Variants in GLIS1 observed in about 807,000 individuals in gnomAD.
The protein encoded by GLIS1 is zinc finger protein GLIS1.
In GLIS1, 24 loss-of-function variants were observed where a neutral mutation model predicts 63.8. The observed-to-expected ratio is 0.38, with a 90% CI of 0.27 to 0.53. GLIS1 has a LOEUF of 0.53. Ranked by LOEUF, GLIS1 falls within the 20% of genes least tolerant of loss-of-function variation. GLIS1 has a pLI of 0.85. For missense variants in GLIS1, 1,036 were observed against 1,074.1 expected (o/e 0.96, Z 0.50); for synonymous variants, 450 against 482.5 (o/e 0.93, Z 0.88).
intron 4 of GLIS1, among the ~76,000 whole-genome samples, chr1:53,585,881 A>G (rs1405541524): frequency 1.3e-5 from 2 of 152,238 alleles, no homozygotes; most frequent in Non-Finnish European, 1.5e-5. Context: ...CACCCCCTAC[A>G]GAAACTTCTG....
rs1353752162 is a variant in GLIS1 at position 53,539,857 on chromosome 1, G to T, written c.1321-9905C>A. ...GGTGGCTGGCCTGGCCTGGCCTTGG[G>T]GACAGCATGCATAGCCTGAGAGATC... is the stretch of plus-strand genomic sequence containing the variant. On this transcript the variant is annotated intron_variant, in intron 4 of 10. Transcript: ENST00000628545. This position sits in a 1 kb window ranked among gnomAD's most constrained non-coding sequence, Gnocchi z 5.0. Among the ~76,000 whole-genome samples the T allele has an allele frequency of 1.3e-5, 2 of 151,140 alleles. No homozygotes were observed. The highest frequency in any genetic ancestry group is 4.9e-5 in the African/African-American group (2 of 41,034).
chr1:53,633,526 C>T (rs1321907241), intron 2 of GLIS1, among the ~76,000 whole-genome samples: 1 of 151,616 alleles, frequency 6.6e-6, no homozygotes, highest in Non-Finnish European at 1.5e-5. Context: ...GACTGAAGTG[C>T]GTGTGAATGT....
At position 53,599,308 on chromosome 1, in the gene GLIS1, G is replaced by A. The variant is rs578239729; in HGVS notation, c.437+793C>T. 5.3e-5 allele frequency among the ~76,000 whole-genome samples: 8 copies of A among 152,336 alleles called. No individual in the cohort carries two copies. The East Asian group carries it at 5.8e-4, about 11-fold the overall frequency. ...CTCTGCCTCATGTATGGATGAATCCGTTCACGGGTTAATGGATGATCATGG... is the reference window on the plus strand; with the variant it reads ...CTCTGCCTCATGTATGGATGAATCCATTCACGGGTTAATGGATGATCATGG... On this transcript the variant is annotated intron_variant, in intron 3 of 10. Transcript: ENST00000628545.
At chr1:53,643,926 C>T (rs1173471882) in intron 2 of GLIS1, among the ~76,000 whole-genome samples, 1 of 152,332 alleles carries the variant, frequency 6.6e-6, no homozygotes, top group East Asian at 1.9e-4. Flanking sequence ...GAGCCAGGGG[C>T]TTACTCTCTC....
intron 2 of GLIS1, among the ~76,000 whole-genome samples, chr1:53,707,675 T>C (rs1002677357): frequency 6.6e-6 from 1 of 151,578 alleles, no homozygotes; most frequent in African/African-American, 2.4e-5. Context: ...ATCAAAACCA[T>C]TTATTGATTT....
chr1:53,563,286 G>A (rs1256038008), intron 4 of GLIS1, among the ~76,000 whole-genome samples: 1 of 152,236 alleles, frequency 6.6e-6, no homozygotes, highest in Non-Finnish European at 1.5e-5. Context: ...GATTCCAAAT[G>A]CTAAAATGAT....
At chr1:53,625,291 A>G (rs1361072043) in intron 2 of GLIS1, among the ~76,000 whole-genome samples, 2 of 152,228 alleles carry the variant, frequency 1.3e-5, no homozygotes, top group Non-Finnish European at 2.9e-5. Context: ...CAAGGCCAGC[A>G]TCTGGCCAGA....
At position 53,549,748 on chromosome 1, in the gene GLIS1, T is replaced by C. The variant is rs148904679; in HGVS notation, c.1321-19796A>G. On this transcript the variant is annotated intron_variant, in intron 4 of 10. Transcript: ENST00000628545. ...CAACAGCTAACATTTCTTGGGTACT[T>C]CCAATGTTCCAGGCCCTATTTCAAG... Among the ~76,000 whole-genome samples, 563 of 152,342 alleles carry C rather than the reference T, an allele frequency of 3.7e-3. 1 individual carries two copies. Among genetic ancestry groups the C allele is most frequent in the African/African-American group, 0.013 (531 of 41,574 alleles).
chr1:53,603,264 G>A (rs1006091002), intron 2 of GLIS1, among the ~76,000 whole-genome samples: 2 of 152,168 alleles, frequency 1.3e-5, no homozygotes, highest in Non-Finnish European at 2.9e-5. Flanking sequence ...GACCCTCACA[G>A]CGCTCTGGGT....
chr1:53,686,910 C>T (rs1034671478), intron 2 of GLIS1, among the ~76,000 whole-genome samples: 11 of 152,190 alleles, frequency 7.2e-5, no homozygotes, highest in Admixed American at 6.5e-4. Context: ...CCTGCAGGAT[C>T]ACCGTGTCCA....
At chr1:53,523,821 T>C in intron 6 of GLIS1, among the ~76,000 whole-genome samples, 1 of 152,096 alleles carries the variant, frequency 6.6e-6, no homozygotes, top group East Asian at 1.9e-4. Context: ...AGGTGCCATG[T>C]CCCTGCTCTG....
chr1:53,684,137 G>T (rs1172139326), intron 2 of GLIS1, among the ~76,000 whole-genome samples: 1 of 151,966 alleles, frequency 6.6e-6, no homozygotes, highest in East Asian at 1.9e-4. Flanking sequence ...CAGGCCTGGG[G>T]GTGTCCATGT....
At chr1:53,542,292 G>A (rs1644651538) in intron 4 of GLIS1, among the ~76,000 whole-genome samples, 1 of 152,232 alleles carries the variant, frequency 6.6e-6, no homozygotes, top group Admixed American at 6.5e-5. Flanking sequence ...GCAGACAGGA[G>A]CAAATTCCTG....
intron 2 of GLIS1, among the ~76,000 whole-genome samples, chr1:53,718,025 A>G (rs1423037481): frequency 6.6e-6 from 1 of 152,212 alleles, no homozygotes; most frequent in Non-Finnish European, 1.5e-5. Context: ...AGTCAGCTAC[A>G]GCCCCCACTA....
At chr1:53,593,358 G>A (rs1323858766) in intron 4 of GLIS1, among the ~76,000 whole-genome samples, 1 of 152,248 alleles carries the variant, frequency 6.6e-6, no homozygotes, top group Non-Finnish European at 1.5e-5. Context: ...CCACAGACGG[G>A]GCAGAAATGA....
At chr1:53,683,656 C>T (rs1192308955) in intron 2 of GLIS1, among the ~76,000 whole-genome samples, 4 of 152,152 alleles carry the variant, frequency 2.6e-5, no homozygotes, top group African/African-American at 9.6e-5. Context: ...TAGCAGAAGA[C>T]CTGGCACGGG....
At chr1:53,700,182 C>T (rs993685409) in intron 2 of GLIS1, among the ~76,000 whole-genome samples, 2 of 152,138 alleles carry the variant, frequency 1.3e-5, no homozygotes, top group Non-Finnish European at 2.9e-5. Context: ...AGGCCCTCGG[C>T]CTGGAGGAAC....
At chr1:53,590,266 G>A (rs1050913796) in intron 4 of GLIS1, among the ~76,000 whole-genome samples, 2 of 152,084 alleles carry the variant, frequency 1.3e-5, no homozygotes, top group Admixed American at 6.5e-5. Flanking sequence ...TCACCAGCAC[G>A]AGGTCACACA....
intron 4 of GLIS1, among the ~76,000 whole-genome samples, chr1:53,577,382 A>T (rs1337092778): frequency 6.6e-6 from 1 of 151,896 alleles, no homozygotes; most frequent in Non-Finnish European, 1.5e-5. Context: ...CATCTAGCAG[A>T]CTCCGCACTG....
Sources: gnomAD v4.1 joint callset for allele counts (sites outside exome capture counted in the v4.1 genomes callset) on GRCh38, gnomAD v4.1.1 for gene constraint, Gnocchi (gnomAD v3.1) non-coding constraint, MANE v1.5 for transcripts, NCBI Gene and HGNC (gene_info 2026-07-23, HGNC 2026-07-21) for gene names.